Variants in COL28A1 observed in about 807,000 individuals in gnomAD.
The protein encoded by COL28A1 is collagen type XXVIII alpha 1 chain, also known as collagen alpha-1(XXVIII) chain.
A neutral mutation model predicts 150.2 loss-of-function variants in COL28A1; 161 were observed. The observed-to-expected ratio is 1.07, with a 90% confidence interval of 0.94 to 1.22. The LOEUF (loss-of-function observed/expected upper bound fraction) is 1.22, where lower values mean the gene tolerates loss of function less well. Ranked by LOEUF, COL28A1 falls within the 50% of genes most tolerant of loss-of-function variation. COL28A1 has a pLI of 0.00. For missense variants in COL28A1, 1,617 were observed against 1,388.3 expected, an observed-to-expected ratio of 1.16 and a Z score of -2.62; for synonymous variants, 552 against 469.7, an observed-to-expected ratio of 1.18 and a Z score of -2.26.
rs1218856809 is a variant in COL28A1, at chr7:7,505,912, T to TTC, written c.1026+100_1026+101dup. Reference sequence around the variant, plus strand: ...GGTTATTATGCATTTCCAAAGGTACTTCCTCAAAGAATCCATTGACTTTTA... The same window carrying TTC: ...GGTTATTATGCATTTCCAAAGGTACTTCTCCTCAAAGAATCCATTGACTTTTA... On this transcript the variant is annotated intron_variant, in intron 11 of 34. Transcript: ENST00000399429. 18 of 762,970 alleles carry TTC rather than the reference T, an allele frequency of 2.4e-5. No homozygotes were observed. The East Asian group carries it at 4.4e-4, about 19-fold the overall frequency. The allele number at this position is 762,970 out of a possible 1,614,324, so 47.3% of individuals were successfully genotyped here.
At chr7:7,456,217 T>TA (rs1398525604) in intron 15 of COL28A1, 105 bp from the exon 16 acceptor site, 25 of 1,364,254 alleles carry the variant, frequency 1.8e-5, no homozygotes, top group Admixed American at 2.9e-5. Context: ...CTTTATACTA[T>TA]AAAAAAAATT....
chr7:7,434,604 G>A (rs963103750), intron 23 of COL28A1, among the ~76,000 whole-genome samples: 3 of 152,192 alleles, frequency 2.0e-5, no homozygotes, highest in African/African-American at 4.8e-5. Context: ...TGACACCACA[G>A]CGGAGGGGAA....
intron 9 of COL28A1, among the ~76,000 whole-genome samples, 165 bp from the exon 10 acceptor site, chr7:7,507,326 G>A (rs1780867664): frequency 6.6e-6 from 1 of 152,170 alleles, no homozygotes; most frequent in Non-Finnish European, 1.5e-5. Flanking sequence ...AAGCCAAGGG[G>A]TAGGAGTGTC....
chr7:7,378,094 C>T (rs145052565), intron 30 of COL28A1, among the ~76,000 whole-genome samples: 58 of 152,112 alleles, frequency 3.8e-4, no homozygotes, highest in African/African-American at 1.3e-3. Flanking sequence ...GAGATGTCCA[C>T]GGGCAGCCAA....
At chr7:7,497,668 T>A (rs577775199) in intron 11 of COL28A1, among the ~76,000 whole-genome samples, 15 of 152,312 alleles carry the variant, frequency 9.8e-5, no homozygotes, top group Non-Finnish European at 1.8e-4. Flanking sequence ...ATAATTACAA[T>A]CTACTCACAA....
downstream of COL28A1, among the ~76,000 whole-genome samples, chr7:7,353,772 G>A (rs1255297696): frequency 6.6e-6 from 1 of 152,112 alleles, no homozygotes; most frequent in African/African-American, 2.4e-5. Context: ...GGGCAAAATT[G>A]TGAAAAGCTT....
At chr7:7,374,038 A>AAAAAAAAAAATAT in intron 31 of COL28A1, among the ~76,000 whole-genome samples, 1 of 113,628 alleles carries the variant, frequency 8.8e-6, no homozygotes, top group Non-Finnish European at 1.7e-5. Flanking sequence ...AAAAAAAAAA[A>AAAAAAAAAAATAT]ATATATATAT....
chr7:7,356,042 T>C (rs1441731019), downstream of COL28A1, among the ~76,000 whole-genome samples: 1 of 152,172 alleles, frequency 6.6e-6, no homozygotes, highest in Non-Finnish European at 1.5e-5. Context: ...TAGTGAGTTG[T>C]AGAGAATTAC....
At chr7:7,362,707 G>T (rs1323647138) in intron 33 of COL28A1, among the ~76,000 whole-genome samples, 1 of 152,044 alleles carries the variant, frequency 6.6e-6, no homozygotes, top group Non-Finnish European at 1.5e-5. Flanking sequence ...ACAACTTTTG[G>T]TACAAGTGGA....
At chr7:7,453,979 T>G (rs1161903475) in intron 16 of COL28A1, among the ~76,000 whole-genome samples, 1 of 152,190 alleles carries the variant, frequency 6.6e-6, no homozygotes, top group East Asian at 1.9e-4. Context: ...AGTAGTCAGT[T>G]GATTAACAGA....
rs551142298 is a variant in COL28A1, at chr7:7,457,566, A to G, written c.1303-1454T>C. Among the ~76,000 whole-genome samples, 23 of 152,326 alleles carry G rather than the reference A, an allele frequency of 1.5e-4. No individual in the cohort carries two copies. In the South Asian group the frequency reaches 4.8e-3, roughly 32 times the overall value. On this transcript the variant is annotated intron_variant, in intron 15 of 34. Coordinates refer to ENST00000399429, the MANE Select transcript of COL28A1 (RefSeq NM_001037763.3). ...GGTGGGAGAGGCCTGGGATGAGAAC[A>G]TAAATTTGGGAGCCCTCAGTATATA...
At chr7:7,419,421 A>G (rs1784277032) in intron 26 of COL28A1, among the ~76,000 whole-genome samples, 1 of 152,192 alleles carries the variant, frequency 6.6e-6, no homozygotes, top group Non-Finnish European at 1.5e-5. Flanking sequence ...AAGGAGACAT[A>G]GAAAGGAGGG....
chr7:7,443,526 G>T (rs1037902466), intron 20 of COL28A1, 59 bp downstream of exon 20: 1 of 1,593,764 alleles, frequency 6.3e-7, no homozygotes, highest in Admixed American at 1.8e-5. Flanking sequence ...TTCTAAGTTG[G>T]CTCCTCAGTA....
intron 25 of COL28A1, among the ~76,000 whole-genome samples, chr7:7,424,311 T>C (rs1784536168): frequency 6.6e-6 from 1 of 152,174 alleles, no homozygotes. Context: ...TGATCTTTTG[T>C]GGTTCCATGG....
At position 7,432,701 on chromosome 7, in the gene COL28A1, C is replaced by A. The variant is rs369145776; in HGVS notation, c.1861-1G>T. The A allele has an allele frequency of 9.3e-6, 15 of 1,612,934 alleles. No individual in the cohort carries two copies. The African/African-American group carries it at 1.6e-4, about 17-fold the overall frequency. On this transcript the variant is annotated splice_acceptor_variant, in intron 23 of 34. Coordinates refer to ENST00000399429, the MANE Select transcript of COL28A1 (RefSeq NM_001037763.3). LOFTEE classifies it high-confidence loss of function. ...CTGGTCCCCGAGGGCCTTGGACACC[C>A]TGGGTAAATTCCAACATCAGTGATA...
At chr7:7,394,096 C>T (rs2128295596) in intron 27 of COL28A1, among the ~76,000 whole-genome samples, 1 of 152,290 alleles carries the variant, frequency 6.6e-6, no homozygotes, top group South Asian at 2.1e-4. Flanking sequence ...GGTCTGTGGG[C>T]TGTGCATACT....
intron 11 of COL28A1, among the ~76,000 whole-genome samples, chr7:7,491,442 T>C (rs1174780335): frequency 2.6e-5 from 4 of 152,218 alleles, no homozygotes; most frequent in African/African-American, 9.6e-5. Flanking sequence ...GGCTCCTGGA[T>C]ACCCTCAATG....
intron 18 of COL28A1, among the ~76,000 whole-genome samples, chr7:7,448,653 A>G (rs1484668190): frequency 1.3e-5 from 2 of 151,464 alleles, no homozygotes; most frequent in Admixed American, 1.3e-4. Flanking sequence ...AAAATTTATA[A>G]AATTTATTTA....
At chr7:7,386,467 G>C (rs1351288192) in intron 27 of COL28A1, among the ~76,000 whole-genome samples, 3 of 152,150 alleles carry the variant, frequency 2.0e-5, no homozygotes, top group Non-Finnish European at 4.4e-5. Flanking sequence ...GTGGTTGCAG[G>C]GCATCCCGCC....
Sources: allele counts gnomAD v4.1 joint callset (sites outside exome capture counted in the v4.1 genomes callset), GRCh38; gene constraint gnomAD v4.1.1; transcripts MANE v1.5; gene names NCBI Gene and HGNC (gene_info 2026-07-23, HGNC 2026-07-21).